Variants in KIAA1328 observed in about 807,000 individuals in gnomAD.
The protein encoded by KIAA1328 is protein hinderin.
In KIAA1328, 52 loss-of-function variants were observed where a neutral mutation model predicts 68.1. The ratio of observed to expected loss-of-function variants is 0.76; its 90% CI spans 0.61 to 0.96. The LOEUF is 0.96. Ranked by LOEUF, KIAA1328 falls within the 40% of genes least tolerant of loss-of-function variation. The pLI is 0.00. For synonymous variants in KIAA1328, 232 were observed against 239.4 expected (o/e 0.97, Z 0.28); for missense variants, 641 against 677.6 (o/e 0.95, Z 0.60).
At chr18:37,016,451 G>C (rs990914575) in intron 6 of KIAA1328, among the ~76,000 whole-genome samples, 12 of 152,002 alleles carry the variant, frequency 7.9e-5, no homozygotes, top group Admixed American at 2.6e-4. Flanking sequence ...CATTGTATCT[G>C]TATCAGATTC....
chr18:36,973,399 A>G (rs2052318256), intron 6 of KIAA1328, among the ~76,000 whole-genome samples: 1 of 152,164 alleles, frequency 6.6e-6, no homozygotes, highest in Non-Finnish European at 1.5e-5. Flanking sequence ...GGTGCAGCAC[A>G]CAAATATGGC....
intron 5 of KIAA1328, among the ~76,000 whole-genome samples, chr18:36,904,713 A>G (rs1055378401): frequency 1.8e-4 from 28 of 152,012 alleles, no homozygotes; most frequent in African/African-American, 5.6e-4. Context: ...GAACACTTAC[A>G]TTTTATTTGA....
At chr18:36,847,691 C>T (rs1162089983) in intron 4 of KIAA1328, among the ~76,000 whole-genome samples, 2 of 151,542 alleles carry the variant, frequency 1.3e-5, no homozygotes, top group African/African-American at 2.4e-5. Flanking sequence ...TCTGCAGCTT[C>T]CTTTATAATT....
Position 37,173,067 on chromosome 18 carries a change from G to A in KIAA1328, c.1509G>A (p.Gln503=). 1 of 1,610,522 alleles carries A rather than the reference G, an allele frequency of 6.2e-7. No individual in the cohort carries two copies. Among genetic ancestry groups the A allele is most frequent in the Admixed American group, 1.7e-5 (1 of 59,876 alleles). ...DFVTTASPSL[Q]HTTSRYETSL... ...TCACCACAGCCTCACCATCATTACAGCACACCACCTCCCGGTAAGCTTCAG... is the reference window on the plus strand; with the variant it reads ...TCACCACAGCCTCACCATCATTACAACACACCACCTCCCGGTAAGCTTCAG... The change falls in exon 9 of 10, where the codon CAG becomes CAA. Residue 503 remains glutamine, a synonymous_variant. Coordinates refer to ENST00000280020, the MANE Select transcript of KIAA1328 (RefSeq NM_020776.3).
At chr18:36,829,348 T>G (rs1351636927) in intron 1 of KIAA1328, 152 bp downstream of exon 1, 3 of 1,386,124 alleles carry the variant, frequency 2.2e-6, no homozygotes, top group Non-Finnish European at 2.8e-6. Context: ...GGTGCTGGGC[T>G]CTCCCCTTGC....
At chr18:37,166,169 AAC>A (rs1285640645) in intron 8 of KIAA1328, among the ~76,000 whole-genome samples, 1 of 152,066 alleles carries the variant, frequency 6.6e-6, no homozygotes, top group Non-Finnish European at 1.5e-5. Flanking sequence ...TCTCCCAAGA[AAC>A]ACTGAAAAAT....
At chr18:37,212,141 T>C (rs1416670713) in intron 9 of KIAA1328, among the ~76,000 whole-genome samples, 1 of 152,236 alleles carries the variant, frequency 6.6e-6, no homozygotes, top group East Asian at 1.9e-4. Flanking sequence ...TCCTTGAGCA[T>C]GAAGTAGGTC....
chr18:37,119,895 A>G (rs1221097000), intron 7 of KIAA1328, among the ~76,000 whole-genome samples: 1 of 152,156 alleles, frequency 6.6e-6, no homozygotes, highest in Non-Finnish European at 1.5e-5. Context: ...TCTAAATACC[A>G]TTCTCCAATA....
intron 6 of KIAA1328, among the ~76,000 whole-genome samples, chr18:36,970,351 A>G (rs71380415): frequency 1.3e-5 from 2 of 152,220 alleles, no homozygotes; most frequent in African/African-American, 2.4e-5. Flanking sequence ...CCAATATCAT[A>G]CTGATTGGGG....
chr18:37,191,929 G>C (rs548973396), intron 9 of KIAA1328, among the ~76,000 whole-genome samples: 1 of 152,142 alleles, frequency 6.6e-6, no homozygotes, highest in Non-Finnish European at 1.5e-5. Flanking sequence ...TGTGACCAGA[G>C]GGCAGAGTGG....
At chr18:37,003,981 G>T (rs1218797844) in intron 6 of KIAA1328, among the ~76,000 whole-genome samples, 3 of 152,030 alleles carry the variant, frequency 2.0e-5, no homozygotes, top group Non-Finnish European at 4.4e-5. Flanking sequence ...CTCTTTTGGT[G>T]ACTCTGGCCC....
chr18:36,925,605 A>G (rs754451049), intron 5 of KIAA1328, among the ~76,000 whole-genome samples: 3 of 151,520 alleles, frequency 2.0e-5, no homozygotes, highest in East Asian at 1.9e-4. Context: ...GGTGCCATCA[A>G]TGGCTCACTG....
intron 9 of KIAA1328, among the ~76,000 whole-genome samples, chr18:37,207,308 A>G (rs1032113431): frequency 2.0e-5 from 3 of 152,140 alleles, no homozygotes; most frequent in African/African-American, 7.2e-5. Flanking sequence ...CATTTTGGCT[A>G]TTGCAGCTTA....
chr18:36,997,930 G>A (rs1038924022), intron 6 of KIAA1328, among the ~76,000 whole-genome samples: 2 of 152,150 alleles, frequency 1.3e-5, no homozygotes, highest in Admixed American at 1.3e-4. Flanking sequence ...GGTATGAGAA[G>A]GATGTGCCTT....
intron 9 of KIAA1328, among the ~76,000 whole-genome samples, chr18:37,220,657 G>A (rs2060540563): frequency 6.6e-6 from 1 of 152,198 alleles, no homozygotes; most frequent in Admixed American, 6.5e-5. Flanking sequence ...TCTCAGGCCA[G>A]AAAGATGACA....
chr18:37,060,941 C>G (rs1362613613), intron 6 of KIAA1328, among the ~76,000 whole-genome samples: 1 of 152,056 alleles, frequency 6.6e-6, no homozygotes, highest in African/African-American at 2.4e-5. Context: ...CATGGTGAAA[C>G]CGTGTCTCTA....
chr18:37,159,185 A>C (rs978489795), intron 7 of KIAA1328, among the ~76,000 whole-genome samples: 1 of 152,218 alleles, frequency 6.6e-6, no homozygotes, highest in African/African-American at 2.4e-5. Flanking sequence ...TTAATAAATT[A>C]TGATATGAGC....
chr18:37,162,705 T>C (rs949600550), intron 8 of KIAA1328, among the ~76,000 whole-genome samples: 2 of 152,204 alleles, frequency 1.3e-5, no homozygotes, highest in Non-Finnish European at 2.9e-5. Flanking sequence ...TGTGTCTGAA[T>C]TTTTTAATAT....
intron 7 of KIAA1328, among the ~76,000 whole-genome samples, chr18:37,115,308 T>C (rs2058071871): frequency 6.6e-6 from 1 of 152,156 alleles, no homozygotes; most frequent in Admixed American, 6.6e-5. Context: ...TCAAAAAGCT[T>C]ATCCACCATG....
Sources: allele counts gnomAD v4.1 joint callset (sites outside exome capture counted in the v4.1 genomes callset), GRCh38; gene constraint gnomAD v4.1.1; transcripts MANE v1.5; gene names NCBI Gene and HGNC (gene_info 2026-07-23, HGNC 2026-07-21).